Variants in DAB1 observed in about 807,000 individuals in gnomAD.
DAB1 encodes the protein disabled homolog 1.
In DAB1, 15 loss-of-function variants were observed where a neutral mutation model predicts 64.6. The ratio of observed to expected loss-of-function variants is 0.23; its 90% CI spans 0.16 to 0.36. The LOEUF (loss-of-function observed/expected upper bound fraction) is 0.36. Ranked by LOEUF, DAB1 falls within the 10% of genes least tolerant of loss-of-function variation. The pLI is 1.00. For synonymous variants in DAB1, 235 were observed against 251.9 expected (o/e 0.93, Z 0.64); for missense variants, 596 against 706.7 (o/e 0.84, Z 1.78).
At chr1:57,181,120 C>T (rs1487918563) in intron 2 of DAB1, among the ~76,000 whole-genome samples, 2 of 152,124 alleles carry the variant, frequency 1.3e-5, no homozygotes, top group East Asian at 1.9e-4. Flanking sequence ...GCATGTAACC[C>T]GGTGCTATGC....
At chr1:57,169,052 C>T (rs546156735) in intron 2 of DAB1, among the ~76,000 whole-genome samples, 1 of 151,664 alleles carries the variant, frequency 6.6e-6, no homozygotes, top group Non-Finnish European at 1.5e-5. Flanking sequence ...TGGGACCCTG[C>T]CTCAAATAAA....
chr1:58,118,548 TAC>T (rs1652518222), intron 5 of DAB1, among the ~76,000 whole-genome samples: 1 of 117,942 alleles, frequency 8.5e-6, no homozygotes, highest in Admixed American at 9.7e-5. Flanking sequence ...TACATATATA[TAC>T]ATATATATAA....
chr1:57,268,772 G>A (rs187834643), intron 2 of DAB1, among the ~76,000 whole-genome samples: 43 of 152,318 alleles, frequency 2.8e-4, no homozygotes, highest in Admixed American at 1.2e-3. Flanking sequence ...AGTAGCTTGC[G>A]GAGCTAGGAT....
intron 7 of DAB1, among the ~76,000 whole-genome samples, chr1:57,493,423 AT>A (rs1644189734): frequency 6.6e-6 from 1 of 152,176 alleles, no homozygotes; most frequent in Non-Finnish European, 1.5e-5. Context: ...TTCATTTATC[AT>A]AATGCCTTCA....
At chr1:58,406,702 A>G in intron 3 of DAB1, among the ~76,000 whole-genome samples, 1 of 95,220 alleles carries the variant, frequency 1.1e-5, no homozygotes, top group Non-Finnish European at 2.3e-5. Context: ...AAAGAACGAT[A>G]ATATCATCCC....
At chr1:58,229,000 A>C in intron 4 of DAB1, 1 of 421,924 alleles carries the variant, frequency 2.4e-6, no homozygotes, top group South Asian at 2.1e-5. Flanking sequence ...CCCCTGTCCC[A>C]CCTGGGGCAG....
At chr1:58,261,895 A>G (rs940191524) in intron 4 of DAB1, among the ~76,000 whole-genome samples, 3 of 151,952 alleles carry the variant, frequency 2.0e-5, no homozygotes, top group South Asian at 2.1e-4. Flanking sequence ...TTCCTCAGAT[A>G]CCCCCAGGTA....
intron 5 of DAB1, among the ~76,000 whole-genome samples, chr1:58,078,818 A>G (rs752127180): frequency 3.3e-5 from 5 of 152,188 alleles, no homozygotes; most frequent in African/African-American, 4.8e-5. Flanking sequence ...CCTGACAATA[A>G]TATGAAAAAA....
intron 5 of DAB1, among the ~76,000 whole-genome samples, chr1:58,050,730 C>T (rs1174084282): frequency 2.6e-5 from 4 of 152,014 alleles, no homozygotes; most frequent in Non-Finnish European, 5.9e-5. Context: ...GGGGTCTCAC[C>T]GTGTTAGCCA....
chr1:58,185,015 G>A (rs1361719682), intron 4 of DAB1, among the ~76,000 whole-genome samples: 1 of 152,152 alleles, frequency 6.6e-6, no homozygotes, highest in Admixed American at 6.5e-5. Context: ...TAAAGAGTGG[G>A]AAAGGTTCTT....
At chr1:58,493,682 A>C (rs1645741824) in intron 3 of DAB1, among the ~76,000 whole-genome samples, 1 of 151,706 alleles carries the variant, frequency 6.6e-6, no homozygotes. Flanking sequence ...TTCAAAGAGA[A>C]TAAAATAGCT....
chr1:57,803,911 C>CT (rs1303681416), intron 6 of DAB1, among the ~76,000 whole-genome samples: 2 of 152,140 alleles, frequency 1.3e-5, no homozygotes, highest in Non-Finnish European at 2.9e-5. Context: ...ATGGTTACCT[C>CT]TTTTTTACAA....
At chr1:58,215,616 G>C (rs375294197) in intron 4 of DAB1, among the ~76,000 whole-genome samples, 14 of 152,102 alleles carry the variant, frequency 9.2e-5, no homozygotes, top group African/African-American at 2.9e-4. Flanking sequence ...GTTTTCAAGT[G>C]ATTCACTTAT....
intron 4 of DAB1, among the ~76,000 whole-genome samples, chr1:58,211,825 T>G (rs1280751609): frequency 1.3e-5 from 2 of 152,182 alleles, no homozygotes; most frequent in Non-Finnish European, 1.5e-5. Context: ...TAGTCAGCTC[T>G]GATTCCAAAG....
chr1:57,518,188 G>GTCATCA (rs146349545), intron 7 of DAB1, among the ~76,000 whole-genome samples: 10,036 of 151,586 alleles, frequency 0.066, 1,113 homozygotes, highest in African/African-American at 0.23. Flanking sequence ...TGTCGTTGTC[G>GTCATCA]TCATCATCAT....
At chr1:58,092,108 G>A (rs1264087626) in intron 5 of DAB1, among the ~76,000 whole-genome samples, 3 of 152,124 alleles carry the variant, frequency 2.0e-5, no homozygotes, top group East Asian at 1.9e-4. Flanking sequence ...TGGCGCAGGC[G>A]GGTGGATCAC....
chr1:57,330,175 C>G (rs1375337492), intron 1 of DAB1, among the ~76,000 whole-genome samples: 1 of 152,160 alleles, frequency 6.6e-6, no homozygotes, highest in Non-Finnish European at 1.5e-5. Context: ...GCTAATCAGC[C>G]TGTCTGAGAA....
intron 2 of DAB1, among the ~76,000 whole-genome samples, chr1:57,193,379 A>ATTTTTTT (rs1328631874): frequency 1.8e-3 from 129 of 71,530 alleles, no homozygotes; most frequent in African/African-American, 2.7e-3. Flanking sequence ...TCCGTAGCAT[A>ATTTTTTT]TGTTTTTTTT....
chr1:57,672,662 A>C lies in DAB1; in HGVS notation n.552-22997T>G, dbSNP rs140821597. Reference sequence around the variant, plus strand: ...TCCTTCCAATTAAATGGAATTAATAAGATAAAGTTGCCTTTGTTTTTATTT... The same window carrying C: ...TCCTTCCAATTAAATGGAATTAATACGATAAAGTTGCCTTTGTTTTTATTT... On this transcript the variant is annotated intron_variant and non_coding_transcript_variant, in intron 6 of 20. Coordinates refer to the DAB1 transcript ENST00000485760. 7.7e-3 allele frequency among the ~76,000 whole-genome samples: 1,176 copies of C among 152,336 alleles called. 14 individuals carry two copies. Among genetic ancestry groups the C allele is most frequent in the African/African-American group, 0.027 (1,131 of 41,580 alleles).
Sources: allele counts gnomAD v4.1 joint callset (sites outside exome capture counted in the v4.1 genomes callset), GRCh38; gene constraint gnomAD v4.1.1; transcripts MANE v1.5; gene names NCBI Gene and HGNC (gene_info 2026-07-23, HGNC 2026-07-21).